Variants in SSBP3 observed in about 807,000 individuals in gnomAD.
SSBP3 encodes single stranded DNA binding protein 3, also known as single-stranded DNA-binding protein 3.
Under a neutral mutation model 69.6 loss-of-function variants are expected in SSBP3, and 5 were observed. The ratio of observed to expected loss-of-function variants is 0.07; its 90% CI spans 0.04 to 0.15. SSBP3 has a LOEUF of 0.15. Among genes scored for constraint, SSBP3 ranks in the 10% least tolerant of loss-of-function variants. The pLI, the probability that SSBP3 is intolerant of heterozygous loss-of-function variation, is 1.00. For synonymous variants in SSBP3, 196 were observed against 193.4 expected (o/e 1.01, Z -0.11); for missense variants, 312 against 534.0 (o/e 0.58, Z 4.10).
At chr1:54,331,447 T>C (rs1307878325) in intron 4 of SSBP3, among the ~76,000 whole-genome samples, 1 of 152,170 alleles carries the variant, frequency 6.6e-6, no homozygotes, top group Non-Finnish European at 1.5e-5. Flanking sequence ...ATGAAAACCA[T>C]GTATACAGCC....
chr1:54,393,489 T>C (rs1463592962), intron 4 of SSBP3, among the ~76,000 whole-genome samples: 1 of 151,884 alleles, frequency 6.6e-6, no homozygotes, highest in Non-Finnish European at 1.5e-5. Context: ...GGAGGTGAGG[T>C]AAGAAAAATG....
chr1:54,262,269 C>G (rs1282482498), intron 5 of SSBP3, among the ~76,000 whole-genome samples: 1 of 152,166 alleles, frequency 6.6e-6, no homozygotes, highest in Non-Finnish European at 1.5e-5. Context: ...GGAACTGAGG[C>G]TTGGAAAGAT....
intron 9 of SSBP3, among the ~76,000 whole-genome samples, chr1:54,245,263 T>C (rs1644713000): frequency 1.1e-5 from 1 of 87,764 alleles, no homozygotes; most frequent in Admixed American, 1.1e-4. Flanking sequence ...GAGGCTGGGA[T>C]TGTTCCCACT....
At chr1:54,307,951 C>T (rs536006347) in intron 4 of SSBP3, among the ~76,000 whole-genome samples, 1 of 152,310 alleles carries the variant, frequency 6.6e-6, no homozygotes, top group South Asian at 2.1e-4. Flanking sequence ...TATTCCTTTA[C>T]TTTCTTAATA....
At chr1:54,273,655 C>G (rs575475271) in intron 5 of SSBP3, among the ~76,000 whole-genome samples, 1 of 152,188 alleles carries the variant, frequency 6.6e-6, no homozygotes, top group Non-Finnish European at 1.5e-5. Context: ...AGGACCAGCC[C>G]GGACCCATGT....
At chr1:54,292,823 C>T (rs1409717744) in intron 4 of SSBP3, among the ~76,000 whole-genome samples, 1 of 151,954 alleles carries the variant, frequency 6.6e-6, no homozygotes, top group Non-Finnish European at 1.5e-5. Context: ...GTACCTGATA[C>T]CCCTAGGAAC....
chr1:54,337,458 G>T (rs1310574954), intron 4 of SSBP3, among the ~76,000 whole-genome samples: 1 of 130,054 alleles, frequency 7.7e-6, no homozygotes, highest in East Asian at 2.7e-4. Flanking sequence ...AAGGTTGGCT[G>T]AACCAAAGCA....
At chr1:54,400,427 T>C (rs1217028577) in intron 4 of SSBP3, among the ~76,000 whole-genome samples, 1 of 152,242 alleles carries the variant, frequency 6.6e-6, no homozygotes, top group African/African-American at 2.4e-5. Flanking sequence ...ACTATTTTTA[T>C]ATGGCTGTGT....
At chr1:54,384,170 A>C (rs1244529662) in intron 4 of SSBP3, among the ~76,000 whole-genome samples, 3 of 151,448 alleles carry the variant, frequency 2.0e-5, no homozygotes, top group African/African-American at 4.9e-5. Flanking sequence ...CTAGCCCGAG[A>C]GGCCTCAGAA....
At chr1:54,269,892 G>A (rs1315656280) in intron 5 of SSBP3, among the ~76,000 whole-genome samples, 1 of 152,236 alleles carries the variant, frequency 6.6e-6, no homozygotes, top group Admixed American at 6.5e-5. Context: ...AGAGGAGAAT[G>A]AGCCACATGC....
chr1:54,396,165 C>A (rs1227875088), intron 4 of SSBP3, among the ~76,000 whole-genome samples: 1 of 125,576 alleles, frequency 8.0e-6, no homozygotes, highest in Non-Finnish European at 1.6e-5. Context: ...GCACTCCAGC[C>A]TGGGTGACAG....
intron 4 of SSBP3, among the ~76,000 whole-genome samples, chr1:54,328,186 G>A (rs1646344765): frequency 6.6e-6 from 1 of 152,122 alleles, no homozygotes; most frequent in African/African-American, 2.4e-5. Context: ...CTCCTTGCAA[G>A]CAACAGGGCC....
At chr1:54,240,087 T>TGTGTGTGC (rs1159547661) in intron 13 of SSBP3, among the ~76,000 whole-genome samples, 74 of 42,340 alleles carry the variant, frequency 1.7e-3, no homozygotes, top group Non-Finnish European at 2.9e-3. Flanking sequence ...TGTGTGTGTG[T>TGTGTGTGC]GCGCGCGCGC....
At chr1:54,396,193 G>GAAAAAAAAAAAAAAAAAAAAAAA (rs59276509) in intron 4 of SSBP3, among the ~76,000 whole-genome samples, 4 of 40,580 alleles carry the variant, frequency 9.9e-5, no homozygotes, top group African/African-American at 3.8e-4. Context: ...CTCCATCTCA[G>GAAAAAAAAAAAAAAAAAAAAAAA]AAAAAAAAAA....
At chr1:54,380,939 C>T (rs1647583982) in intron 4 of SSBP3, among the ~76,000 whole-genome samples, 2 of 151,494 alleles carry the variant, frequency 1.3e-5, no homozygotes, top group Admixed American at 1.3e-4. Context: ...GGGAAAAACA[C>T]AGCAAGACCC....
chr1:54,329,967 G>C (rs879262470), intron 4 of SSBP3, among the ~76,000 whole-genome samples: 1 of 152,142 alleles, frequency 6.6e-6, no homozygotes, highest in African/African-American at 2.4e-5. Flanking sequence ...ACACCAAGGA[G>C]ACCACGCATC....
intron 7 of SSBP3, among the ~76,000 whole-genome samples, chr1:54,253,237 G>A (rs924113032): frequency 1.4e-5 from 2 of 147,874 alleles, no homozygotes; most frequent in South Asian, 2.2e-4. Context: ...TGTTGCCCAG[G>A]TTGGAATGCA....
chr1:54,279,922 G>A (rs1216847532), intron 5 of SSBP3, among the ~76,000 whole-genome samples: 1 of 152,170 alleles, frequency 6.6e-6, no homozygotes, highest in Non-Finnish European at 1.5e-5. Context: ...GCCCCAAGCT[G>A]AGACCCTAGC....
At chr1:54,317,572 AC>A (rs1186484332) in intron 4 of SSBP3, among the ~76,000 whole-genome samples, 2 of 152,164 alleles carry the variant, frequency 1.3e-5, no homozygotes, top group Non-Finnish European at 2.9e-5. Context: ...TGTTTATCAA[AC>A]AAAAAAGCAT....
Sources: allele counts gnomAD v4.1 joint callset (sites outside exome capture counted in the v4.1 genomes callset), GRCh38; gene constraint gnomAD v4.1.1; transcripts MANE v1.5; gene names NCBI Gene and HGNC (gene_info 2026-07-23, HGNC 2026-07-21).